Variants in FBN1 observed in about 807,000 individuals in gnomAD.
FBN1 encodes the protein fibrillin-1.
FBN1 carries 29 observed loss-of-function variants against 365.1 expected under a neutral mutation model. That is an observed-to-expected ratio of 0.08 (90% CI 0.06 to 0.11). The LOEUF is 0.11. Among genes scored for constraint, FBN1 ranks in the 10% least tolerant of loss-of-function variants. FBN1 has a pLI of 1.00. For synonymous variants in FBN1, 1,210 were observed against 1,270.5 expected, an observed-to-expected ratio of 0.95 and a Z score of 1.01; for missense variants, 2,476 against 3,703.2, an observed-to-expected ratio of 0.67 and a Z score of 8.60.
intron 5 of FBN1, among the ~76,000 whole-genome samples, chr15:48,597,025 G>A (rs559199128): frequency 2.0e-5 from 3 of 152,250 alleles, no homozygotes; most frequent in African/African-American, 7.2e-5. Flanking sequence ...CCTGTAACTC[G>A]TGCATGCATG....
chr15:48,481,567 A>T lies in FBN1; in HGVS notation c.3964+88T>A, dbSNP rs915634729. ...ATGTTTTATAATATAGTTAAAATGT[A>T]TGAGTTTTAAAACATGTATCAATCT... On this transcript the variant is annotated intron_variant, in intron 32 of 65. Transcript: ENST00000316623. 23 of 1,321,908 alleles carry T rather than the reference A, an allele frequency of 1.7e-5. No homozygotes were observed. The African/African-American group carries it at 3.3e-4, about 19-fold the overall frequency. 81.9% of individuals were successfully genotyped at this position (1,321,908 alleles called of 1,614,324 possible). A position where few individuals can be genotyped will look rare whatever the true frequency, so the allele number is the denominator to read the frequency against.
chr15:48,618,975 C>T (rs183731823), intron 2 of FBN1, among the ~76,000 whole-genome samples: 21 of 152,186 alleles, frequency 1.4e-4, no homozygotes, highest in East Asian at 1.2e-3. Context: ...TTCTACATTA[C>T]GGTGAGTTGT....
chr15:48,586,955 G>C (rs982576903), intron 6 of FBN1, among the ~76,000 whole-genome samples: 1 of 152,214 alleles, frequency 6.6e-6, no homozygotes, highest in Admixed American at 6.5e-5. Flanking sequence ...TGGGCTTGGA[G>C]ATGTGAGTTA....
At chr15:48,429,132 A>C (rs2141230786) in intron 56 of FBN1, among the ~76,000 whole-genome samples, 2 of 152,346 alleles carry the variant, frequency 1.3e-5, no homozygotes, top group Admixed American at 1.3e-4. Context: ...TAAAATTTAA[A>C]TCTTTTCATA....
chr15:48,596,167 C>A (rs2044513916), intron 6 of FBN1, 116 bp downstream of exon 6: 1 of 911,106 alleles, frequency 1.1e-6, no homozygotes, highest in Non-Finnish European at 1.8e-6. Flanking sequence ...AATGAGAAAT[C>A]CCCTCAAAGC....
At chr15:48,620,189 A>G (rs1889739497) in intron 2 of FBN1, among the ~76,000 whole-genome samples, 1 of 152,200 alleles carries the variant, frequency 6.6e-6, no homozygotes, top group Non-Finnish European at 1.5e-5. Context: ...TGAGACTATC[A>G]TGGCTGGAAT....
At chr15:48,616,729 AAC>A (rs1193041362) in intron 2 of FBN1, among the ~76,000 whole-genome samples, 3 of 152,016 alleles carry the variant, frequency 2.0e-5, no homozygotes, top group Non-Finnish European at 4.4e-5. Context: ...CCATCACTCC[AAC>A]ACACACACAC....
intron 39 of FBN1, 34 bp downstream of exon 39, chr15:48,465,756 T>G: frequency 6.2e-7 from 1 of 1,613,020 alleles, no homozygotes; most frequent in East Asian, 2.2e-5. Context: ...AAATTCAAGT[T>G]GTGTGTGCTT....
chr15:48,462,302 T>A (rs1017890966), intron 42 of FBN1, among the ~76,000 whole-genome samples: 1 of 152,174 alleles, frequency 6.6e-6, no homozygotes. Context: ...CCATATGATA[T>A]AAGAACAGTA....
intron 6 of FBN1, among the ~76,000 whole-genome samples, chr15:48,542,454 T>G (rs919590683): frequency 9.9e-5 from 15 of 152,180 alleles, no homozygotes; most frequent in African/African-American, 3.6e-4. Context: ...TGGGGAACAT[T>G]AGGCTCCTAA....
chr15:48,453,234 C>T (rs1170016632), intron 44 of FBN1, among the ~76,000 whole-genome samples: 1 of 125,686 alleles, frequency 8.0e-6, no homozygotes, highest in Non-Finnish European at 1.6e-5. Context: ...CCAGCCTGGG[C>T]AACAAGTGCA....
At chr15:48,541,291 T>C (rs2044055972) in intron 6 of FBN1, among the ~76,000 whole-genome samples, 1 of 152,230 alleles carries the variant, frequency 6.6e-6, no homozygotes, top group African/African-American at 2.4e-5. Flanking sequence ...TTATGTAGAA[T>C]AGAAACTATG....
rs189439624 is a variant in FBN1 at position 48,496,409 on chromosome 15, G to A, written c.2294-184C>T. 2.4e-3 allele frequency among the ~76,000 whole-genome samples: 365 copies of A among 152,238 alleles called. 1 individual carries two copies. The highest frequency in any genetic ancestry group is 4.0e-3 in the Non-Finnish European group (271 of 67,986). On this transcript the variant is annotated intron_variant, in intron 19 of 65. Transcript: ENST00000316623. ...TTTAGGAAAACAGAGGCTTGACCTG[G>A]TTTTAAACTAAGTATCTAAACTAAA...
intron 7 of FBN1, among the ~76,000 whole-genome samples, chr15:48,534,850 C>T (rs1445947545): frequency 6.6e-6 from 1 of 152,214 alleles, no homozygotes; most frequent in African/African-American, 2.4e-5. Context: ...GTTTCAGCTG[C>T]AGACTTACCT....
At chr15:48,444,681 TAAGG>T in intron 48 of FBN1, 21 bp from the exon 49 acceptor site, 1 of 1,612,684 alleles carries the variant, frequency 6.2e-7, no homozygotes, top group Non-Finnish European at 8.5e-7. Context: ...AAGGGAAAAA[TAAGG>T]AAGAGGTTCC....
chr15:48,465,539 G>T (rs1566903900), intron 40 of FBN1, 29 bp downstream of exon 40: 1 of 1,613,284 alleles, frequency 6.2e-7, no homozygotes, highest in Non-Finnish European at 8.5e-7. Flanking sequence ...ATATCTGCAA[G>T]ACCTTATCAT....
Position 48,503,915 on chromosome 15 carries a change from T to C in FBN1, c.1985A>G (p.Tyr662Cys), listed in dbSNP as rs1292661774. 3.7e-6 allele frequency: 6 copies of C among 1,614,114 alleles called. No homozygotes were observed. Among genetic ancestry groups the C allele is most frequent in the East Asian group, 2.2e-5 (1 of 44,902 alleles). Residue 662 changes from tyrosine to cysteine, a missense_variant, in exon 17 of 66, where the codon TAT (tyrosine) becomes TGT (cysteine). By Grantham distance (194) the Tyr-to-Cys change is radical (BLOSUM62 -2). Transcript: ENST00000316623. The stretch of plus-strand genomic sequence containing the variant: ...ACACTGGCCTCTCTTGTATCCACCA[T>C]AGCATGTGCTCCGCATGTGTGTGTC... ...CVDTHMRSTC[Y>C]GGYKRGQCIK...
At chr15:48,478,211 C>T (rs1361119933) in intron 32 of FBN1, among the ~76,000 whole-genome samples, 1 of 152,132 alleles carries the variant, frequency 6.6e-6, no homozygotes, top group East Asian at 1.9e-4. Flanking sequence ...CAAATTTGAG[C>T]CAACACTATT....
chr15:48,477,440 C>T (rs567035176), intron 32 of FBN1, among the ~76,000 whole-genome samples: 15 of 152,288 alleles, frequency 9.8e-5, no homozygotes, highest in African/African-American at 3.6e-4. Flanking sequence ...ATGTTTTACA[C>T]TCTCAGTATG....
Sources: gnomAD v4.1 joint callset for allele counts (sites outside exome capture counted in the v4.1 genomes callset) on GRCh38, gnomAD v4.1.1 for gene constraint, MANE v1.5 for transcripts, NCBI Gene and HGNC (gene_info 2026-07-23, HGNC 2026-07-21) for gene names.